CCDC15: variants seen among roughly 807,000 people sequenced by gnomAD.
The protein encoded by CCDC15 is coiled-coil domain containing 15, also known as coiled-coil domain-containing protein 15.
Under a neutral mutation model 114.5 loss-of-function variants are expected in CCDC15, and 105 were observed. The ratio of observed to expected loss-of-function variants is 0.92; its 90% CI spans 0.78 to 1.08. The LOEUF (loss-of-function observed/expected upper bound fraction) is 1.08. Among genes scored for constraint, CCDC15 ranks in the 50% least tolerant of loss-of-function variants. The pLI is 0.00. For missense variants in CCDC15, 1,105 were observed against 1,093.6 expected (o/e 1.01, Z -0.15); for synonymous variants, 334 against 377.8 (o/e 0.88, Z 1.34).
At chr11:124,999,391 A>G (rs1393720441) in intron 11 of CCDC15, among the ~76,000 whole-genome samples, 1 of 151,952 alleles carries the variant, frequency 6.6e-6, no homozygotes, top group Non-Finnish European at 1.5e-5. Context: ...CTGCAACTCC[A>G]GTTACACAAA....
intron 8 of CCDC15, 115 bp from the exon 9 acceptor site, chr11:124,991,346 T>G (rs1948264977): frequency 3.4e-6 from 2 of 596,084 alleles, no homozygotes; most frequent in South Asian, 8.8e-5. Flanking sequence ...TTCCATAATG[T>G]TTTATATTAT....
chr11:124,976,057 C>T (rs1947967643), intron 5 of CCDC15, among the ~76,000 whole-genome samples: 1 of 151,616 alleles, frequency 6.6e-6, no homozygotes, highest in Non-Finnish European at 1.5e-5. Flanking sequence ...TTATAGGCAG[C>T]ATCTAGTAAA....
At position 125,040,932 on chromosome 11, in the gene CCDC15, A is replaced by G. The variant is rs1948813458; in HGVS notation, c.*221A>G. ...CTGTCTTGTGAACCATACGGAGCCT[A>G]TTATTTTAAAATATGATCAGACAAG... On this transcript the variant is annotated 3_prime_UTR_variant, in exon 16 of 16. Transcript: ENST00000344762. The G allele has an allele frequency of 8.3e-6, 4 of 482,720 alleles. No homozygotes were observed. The highest frequency in any genetic ancestry group is 3.5e-5 in the Admixed American group (1 of 28,756). The allele number at this position is 482,720 out of a possible 1,614,324, so 29.9% of individuals were successfully genotyped here.
chr11:124,971,882 T>C (rs1947888291), intron 4 of CCDC15, among the ~76,000 whole-genome samples: 1 of 152,168 alleles, frequency 6.6e-6, no homozygotes, highest in Non-Finnish European at 1.5e-5. Flanking sequence ...TTTTTATTGA[T>C]TTACCACTAG....
At chr11:124,991,367 A>T in intron 8 of CCDC15, 94 bp from the exon 9 acceptor site, 4 of 789,354 alleles carry the variant, frequency 5.1e-6, no homozygotes, top group Non-Finnish European at 7.5e-6. Flanking sequence ...CCTGAAAAAA[A>T]CTACCCTTTG....
chr11:124,980,064 T>A (rs1948042349), intron 6 of CCDC15, among the ~76,000 whole-genome samples: 1 of 152,224 alleles, frequency 6.6e-6, no homozygotes. Context: ...TCTGTTTATG[T>A]GGTGAATCAC....
At chr11:125,023,093 A>AGT (rs1235541812) in intron 13 of CCDC15, among the ~76,000 whole-genome samples, 13 of 151,964 alleles carry the variant, frequency 8.6e-5, no homozygotes, top group Admixed American at 6.6e-5. Context: ...GTCTTTGCCT[A>AGT]ACCCAAGGTC....
intron 13 of CCDC15, among the ~76,000 whole-genome samples, chr11:125,026,536 TG>T (rs1948703460): frequency 6.6e-6 from 1 of 152,226 alleles, no homozygotes; most frequent in Non-Finnish European, 1.5e-5. Context: ...ACCTGATTTT[TG>T]GTCCTTTTGA....
chr11:125,000,389 G>A (rs1948458635), intron 11 of CCDC15, among the ~76,000 whole-genome samples: 1 of 152,096 alleles, frequency 6.6e-6, no homozygotes, highest in Admixed American at 6.6e-5. Flanking sequence ...GGGGGATTCT[G>A]AGATATATGC....
At chr11:124,983,393 G>A (rs955052543) in intron 6 of CCDC15, among the ~76,000 whole-genome samples, 1 of 152,018 alleles carries the variant, frequency 6.6e-6, no homozygotes. Context: ...TCTTGCACTG[G>A]TTCTTATGTT....
At chr11:124,970,453 C>T (rs1192979478) in intron 4 of CCDC15, among the ~76,000 whole-genome samples, 2 of 152,138 alleles carry the variant, frequency 1.3e-5, no homozygotes, top group African/African-American at 2.4e-5. Context: ...TTTCTGGCCA[C>T]TGAAAAGTCT....
At chr11:125,000,013 C>G (rs991768895) in intron 11 of CCDC15, among the ~76,000 whole-genome samples, 3 of 151,788 alleles carry the variant, frequency 2.0e-5, no homozygotes, top group Non-Finnish European at 2.9e-5. Context: ...AGGCGCCCAC[C>G]ACCACGCCTG....
At chr11:124,961,309 T>C (rs1463838793) in intron 4 of CCDC15, among the ~76,000 whole-genome samples, 1 of 152,166 alleles carries the variant, frequency 6.6e-6, no homozygotes, top group East Asian at 1.9e-4. Flanking sequence ...ACTAAGGAAA[T>C]GTAAAATAGG....
chr11:124,984,864 G>A (rs4936965), intron 6 of CCDC15, among the ~76,000 whole-genome samples: 40,471 of 151,900 alleles, frequency 0.27, 6,383 homozygotes, highest in African/African-American at 0.44. Flanking sequence ...CTTCCCTCCA[G>A]AGATCTGCTA....
chr11:124,965,672 C>T (rs1947764160), intron 4 of CCDC15, among the ~76,000 whole-genome samples: 1 of 151,964 alleles, frequency 6.6e-6, no homozygotes, highest in Admixed American at 6.6e-5. Context: ...TTATTTCTTG[C>T]CTTCTGCTAG....
At chr11:124,991,045 C>G (rs371474447) in intron 8 of CCDC15, among the ~76,000 whole-genome samples, 7 of 152,324 alleles carry the variant, frequency 4.6e-5, no homozygotes, top group Middle Eastern at 6.8e-3. Context: ...AAAGTCTTAA[C>G]CTGTCATTCT....
chr11:125,001,085 A>G (rs1948472988), intron 11 of CCDC15, among the ~76,000 whole-genome samples: 1 of 152,364 alleles, frequency 6.6e-6, no homozygotes, highest in Middle Eastern at 3.4e-3. Context: ...GCTTAGTAAT[A>G]ATAGATAGTA....
chr11:125,036,191 TTGTC>T (rs2135544268), intron 13 of CCDC15, among the ~76,000 whole-genome samples: 1 of 129,958 alleles, frequency 7.7e-6, no homozygotes, highest in South Asian at 2.9e-4. Context: ...CAGCTTTTGT[TTGTC>T]TGGGAAAGTC....
intron 8 of CCDC15, among the ~76,000 whole-genome samples, chr11:124,990,956 G>A (rs1397200357): frequency 3.3e-5 from 5 of 152,184 alleles, no homozygotes; most frequent in Non-Finnish European, 7.4e-5. Flanking sequence ...TTGTGGAATG[G>A]AGTGTAGTTT....
Sources: allele counts gnomAD v4.1 joint callset (sites outside exome capture counted in the v4.1 genomes callset), GRCh38; gene constraint gnomAD v4.1.1; transcripts MANE v1.5; gene names NCBI Gene and HGNC (gene_info 2026-07-23, HGNC 2026-07-21).